The following FNTA variants were observed in gnomAD, a reference collection of about 807,000 sequenced individuals.
FNTA encodes the protein farnesyltransferase, CAAX box, subunit alpha, also known as protein farnesyltransferase/geranylgeranyltransferase type-1 subunit alpha.
FNTA carries 27 observed loss-of-function variants against 55.2 expected under a neutral mutation model. The observed-to-expected ratio is 0.49, with a 90% CI of 0.36 to 0.67. The LOEUF is 0.67. FNTA is among the 30% of genes least tolerant of loss of function. The pLI, the probability that FNTA is intolerant of heterozygous loss-of-function variation, is 0.00. For synonymous variants in FNTA, 176 were observed against 170.7 expected, an observed-to-expected ratio of 1.03 and a Z score of -0.24; for missense variants, 422 against 464.7, an observed-to-expected ratio of 0.91 and a Z score of 0.85.
intron 7 of FNTA, 48 bp downstream of exon 7, chr8:43,083,228 T>TA: frequency 1.9e-6 from 2 of 1,068,430 alleles, no homozygotes; most frequent in Non-Finnish European, 2.8e-6. Context: ...GAAGTGGCTA[T>TA]ATGATGCATC....
chr8:43,056,331 TGCG>T lies in FNTA; in HGVS notation c.-14_-12del. On this transcript the variant is annotated 5_prime_UTR_variant, in exon 1 of 9. Transcript: ENST00000302279. ...GCGGGGCCTCCGCCACCACCTCAGC[TGCG>T]GACCGAGGCGAGATGGCGGCCACCG... 1.4e-6 allele frequency: 2 copies of T among 1,404,214 alleles called. No homozygotes were observed. The highest frequency in any genetic ancestry group is 1.8e-6 in the Non-Finnish European group (2 of 1,088,362). 87.0% of individuals were successfully genotyped at this position (1,404,214 alleles called of 1,614,324 possible).
intron 5 of FNTA, among the ~76,000 whole-genome samples, chr8:43,072,879 C>T (rs76788896): frequency 0.018 from 2,674 of 152,076 alleles, 36 homozygotes; most frequent in Middle Eastern, 0.051. Flanking sequence ...TAAAGAGTAG[C>T]ATATTTTTAC....
At chr8:43,070,366 G>A (rs1428856644) in intron 4 of FNTA, 2 of 152,054 alleles carry the variant, frequency 1.3e-5, no homozygotes, top group Non-Finnish European at 2.9e-5. Context: ...ATTGTAGCCT[G>A]TTGATTACAA....
At chr8:43,058,161 TC>T (rs1810454018) in intron 1 of FNTA, among the ~76,000 whole-genome samples, 1 of 152,112 alleles carries the variant, frequency 6.6e-6, no homozygotes, top group Non-Finnish European at 1.5e-5. Context: ...CATTTAATCC[TC>T]CAAATACCCT....
At chr8:43,067,063 A>G (rs1335867542) in intron 3 of FNTA, among the ~76,000 whole-genome samples, 1 of 152,156 alleles carries the variant, frequency 6.6e-6, no homozygotes, top group Non-Finnish European at 1.5e-5. Context: ...CAACATTTTA[A>G]ATGTCCTTAT....
At chr8:43,064,315 A>T (rs1419141918) in intron 3 of FNTA, 100 bp downstream of exon 3, 3 of 734,352 alleles carry the variant, frequency 4.1e-6, no homozygotes, top group African/African-American at 3.6e-5. Context: ...ACTGTACTTT[A>T]TTTTTTTTGG....
At position 43,084,866 on chromosome 8, in the gene FNTA, T is replaced by C. The variant is rs1811095731; in HGVS notation, c.1002T>C (p.Leu334=). 1 of 1,613,882 alleles carries C rather than the reference T, an allele frequency of 6.2e-7. No individual in the cohort carries two copies. The highest frequency in any genetic ancestry group is 8.5e-7 in the Non-Finnish European group (1 of 1,179,932). The part of the protein sequence containing the change: ...ENQCDNKEDI[L]NKALELCEIL... ...AGTGTGACAATAAGGAAGACATTCT[T>C]AATAAAGCATTAGAGGTAAGCTGGT... is the stretch of plus-strand genomic sequence containing the variant. The change falls in exon 8 of 9, where the codon CTT becomes CTC. Residue 334 remains leucine, a synonymous_variant. Coordinates refer to ENST00000302279, the MANE Select transcript of FNTA (RefSeq NM_002027.3).
chr8:43,080,839 A>T (rs903233801), intron 6 of FNTA: 5 of 152,258 alleles, frequency 3.3e-5, no homozygotes, highest in African/African-American at 9.6e-5. Flanking sequence ...GTAACAAAGC[A>T]TTTTAAAAAT....
At chr8:43,075,077 GTC>G (rs1197161265) in intron 5 of FNTA, among the ~76,000 whole-genome samples, 2 of 152,280 alleles carry the variant, frequency 1.3e-5, no homozygotes, top group Non-Finnish European at 2.9e-5. Context: ...ACTTCCATGA[GTC>G]TGAAAACAAA....
chr8:43,071,441 TG>T (rs1481235074), intron 4 of FNTA, among the ~76,000 whole-genome samples: 1 of 151,740 alleles, frequency 6.6e-6, no homozygotes, highest in Non-Finnish European at 1.5e-5. Flanking sequence ...GAGGCTGAGG[TG>T]GGCGGATCAC....
At chr8:43,077,436 G>A in intron 6 of FNTA, 72 bp downstream of exon 6, 1 of 1,209,890 alleles carries the variant, frequency 8.3e-7, no homozygotes, top group Non-Finnish European at 1.2e-6. Flanking sequence ...AGGCACTGGG[G>A]ATACAGCAGA....
intron 1 of FNTA, 36 bp downstream of exon 1, chr8:43,056,582 C>T: frequency 1.6e-6 from 2 of 1,264,534 alleles, no homozygotes; most frequent in Non-Finnish European, 2.0e-6. Context: ...TCGGGACACT[C>T]CCTGGAGGCC....
chr8:43,084,620 G>T, intron 7 of FNTA, 90 bp from the exon 8 acceptor site: 1 of 954,750 alleles, frequency 1.0e-6, no homozygotes, highest in Non-Finnish European at 1.6e-6. Context: ...TTTCTTGTTT[G>T]TGTTTCAGGG....
At chr8:43,079,623 CG>C (rs1810984451) in intron 6 of FNTA, 1 of 152,168 alleles carries the variant, frequency 6.6e-6, no homozygotes, top group Non-Finnish European at 1.5e-5. Flanking sequence ...TTCATGCCTG[CG>C]AACACAACAT....
Position 43,069,650 on chromosome 8 carries a change from A to G in FNTA, c.497A>G (p.Tyr166Cys). Residue 166 changes from tyrosine (Y) to cysteine (C), a missense_variant, in exon 4 of 9, where the codon TAT becomes TGT. Coordinates refer to ENST00000302279, the MANE Select transcript of FNTA (RefSeq NM_002027.3). The part of the protein sequence containing the change: ...TAIIEEQPKN[Y>C]QVWHHRRVLV... ...ATAATTGAGGAGCAGCCCAAAAACT[A>G]TCAAGTTTGGTAAGTTTGGAGTCTA... The G allele has an allele frequency of 1.2e-6, 2 of 1,608,588 alleles. No individual in the cohort carries two copies. Among genetic ancestry groups the G allele is most frequent in the Non-Finnish European group, 1.7e-6 (2 of 1,175,424 alleles).
In FNTA at chr8:43,084,865, TTAA is replaced by T; in HGVS notation, c.1005_1007del (p.Asn335del). The T allele has an allele frequency of 6.2e-7, 1 of 1,613,704 alleles. No individual in the cohort carries two copies. Among genetic ancestry groups the T allele is most frequent in the Non-Finnish European group, 8.5e-7 (1 of 1,179,904 alleles). ...CAGTGTGACAATAAGGAAGACATTC[TTAA>T]TAAAGCATTAGAGGTAAGCTGGTGG... is the stretch of plus-strand genomic sequence containing the variant. On this transcript the variant is annotated inframe_deletion, in exon 8 of 9. Transcript: ENST00000302279.
chr8:43,061,806 G>A (rs1290158972), intron 2 of FNTA, among the ~76,000 whole-genome samples: 1 of 151,704 alleles, frequency 6.6e-6, no homozygotes, highest in Non-Finnish European at 1.5e-5. Context: ...CGCGACCTCC[G>A]CCTCCCGGGT....
At chr8:43,062,338 A>G (rs1382141570) in intron 2 of FNTA, among the ~76,000 whole-genome samples, 1 of 151,988 alleles carries the variant, frequency 6.6e-6, no homozygotes, top group Non-Finnish European at 1.5e-5. Flanking sequence ...CTGGAGTACA[A>G]TGGCGTGATC....
intron 6 of FNTA, chr8:43,080,777 C>T (rs140996214): frequency 6.6e-6 from 1 of 152,202 alleles, no homozygotes; most frequent in African/African-American, 2.4e-5. Flanking sequence ...TTTGCATCAT[C>T]ACTGGCAGTT....
Sources: allele counts gnomAD v4.1 joint callset (sites outside exome capture counted in the v4.1 genomes callset), GRCh38; gene constraint gnomAD v4.1.1; transcripts MANE v1.5; gene names NCBI Gene and HGNC (gene_info 2026-07-23, HGNC 2026-07-21).